The following ATF6 variants were observed in gnomAD, a reference collection of about 807,000 sequenced individuals.
ATF6 encodes activating transcription factor 6, also known as cyclic AMP-dependent transcription factor ATF-6 alpha.
ATF6 carries 53 observed loss-of-function variants against 83.6 expected under a neutral mutation model. The observed-to-expected ratio is 0.63, with a 90% CI of 0.51 to 0.80. The LOEUF is 0.80. Ranked by LOEUF, ATF6 falls within the 30% of genes least tolerant of loss-of-function variation. The pLI is 0.00. For missense variants in ATF6, 744 were observed against 797.9 expected (o/e 0.93, Z 0.81); for synonymous variants, 288 against 285.8 (o/e 1.01, Z -0.08).
chr1:161,956,999 T>C (rs1213058087), intron 15 of ATF6, among the ~76,000 whole-genome samples: 1 of 152,130 alleles, frequency 6.6e-6, no homozygotes, highest in African/African-American at 2.4e-5. Flanking sequence ...AAATTAGACC[T>C]GAATTTAGGA....
intron 13 of ATF6, among the ~76,000 whole-genome samples, chr1:161,861,466 A>C (rs1306766339): frequency 2.0e-5 from 3 of 152,198 alleles, no homozygotes; most frequent in African/African-American, 7.2e-5. Flanking sequence ...AATATGTTTA[A>C]ATAATAACTA....
intron 1 of ATF6, among the ~76,000 whole-genome samples, chr1:161,777,808 A>G (rs937190759): frequency 1.3e-5 from 2 of 152,214 alleles, no homozygotes; most frequent in Non-Finnish European, 2.9e-5. Context: ...AACTTAAGGC[A>G]TGGATAACAA....
At chr1:161,916,212 T>C (rs1055079521) in intron 15 of ATF6, among the ~76,000 whole-genome samples, 3 of 152,230 alleles carry the variant, frequency 2.0e-5, no homozygotes, top group African/African-American at 7.2e-5. Context: ...TTACTTGACC[T>C]CTCAACAGTA....
intron 12 of ATF6, among the ~76,000 whole-genome samples, chr1:161,856,437 G>A (rs960675410): frequency 1.3e-5 from 2 of 152,146 alleles, no homozygotes; most frequent in Admixed American, 1.3e-4. Flanking sequence ...ATTCATGTCT[G>A]CCAAAGCCTA....
Position 161,860,184 on chromosome 1 carries a change from T to C in ATF6, c.1534-23T>C, listed in dbSNP as rs770807952. The C allele has an allele frequency of 1.4e-5, 5 of 363,780 alleles. No individual in the cohort carries two copies. The South Asian group carries it at 2.6e-4, about 19-fold the overall frequency. The allele number at this position is 363,780 out of a possible 1,614,324, so 22.5% of individuals were successfully genotyped here. On this transcript the variant is annotated intron_variant, in intron 12 of 15. Transcript: ENST00000367942. ...ATAATTTTGTGATACAGTATTAAACTTTTTTTTTTTTTAATATTCCAGGGT... is the reference window on the plus strand; with the variant it reads ...ATAATTTTGTGATACAGTATTAAACCTTTTTTTTTTTTAATATTCCAGGGT...
intron 14 of ATF6, among the ~76,000 whole-genome samples, chr1:161,864,191 A>C (rs866745654): frequency 6.6e-6 from 1 of 151,520 alleles, no homozygotes; most frequent in Non-Finnish European, 1.5e-5. Flanking sequence ...TTAAGAATAC[A>C]CTGGGTATGG....
At chr1:161,930,567 A>G (rs573693921) in intron 15 of ATF6, among the ~76,000 whole-genome samples, 5 of 152,354 alleles carry the variant, frequency 3.3e-5, no homozygotes, top group South Asian at 4.1e-4. Context: ...GAGACATTCT[A>G]TATCCACTGG....
At position 161,901,440 on chromosome 1, in the gene ATF6, A is replaced by C. The variant is rs912950753; in HGVS notation, c.1720-10856A>C. On this transcript the variant is annotated intron_variant, in intron 14 of 15. Coordinates refer to ENST00000367942, the MANE Select transcript of ATF6 (RefSeq NM_007348.4). ...TTTAATGTTTTATTTGAAAAAAAAA[A>C]CAATTAAAATTTTAAATAACATTTT... is the stretch of plus-strand genomic sequence containing the variant. 3.6e-4 allele frequency among the ~76,000 whole-genome samples: 54 copies of C among 151,832 alleles called. 1 individual carries two copies. The highest frequency in any genetic ancestry group is 1.2e-3 in the African/African-American group (51 of 41,408).
chr1:161,909,510 T>C (rs1371719149), intron 14 of ATF6, among the ~76,000 whole-genome samples: 4 of 151,772 alleles, frequency 2.6e-5, no homozygotes, highest in African/African-American at 4.8e-5. Flanking sequence ...GGAGAGCATA[T>C]ATTGGGTAAG....
chr1:161,830,402 C>G (rs1454883496), intron 9 of ATF6, among the ~76,000 whole-genome samples: 1 of 152,192 alleles, frequency 6.6e-6, no homozygotes, highest in African/African-American at 2.4e-5. Context: ...AATGCCATCT[C>G]CATCAAGCTA....
intron 7 of ATF6, among the ~76,000 whole-genome samples, chr1:161,811,016 G>A (rs966843466): frequency 6.6e-6 from 1 of 152,116 alleles, no homozygotes; most frequent in African/African-American, 2.4e-5. Context: ...TCAGTTGGTA[G>A]ACATTTGGCT....
chr1:161,926,377 C>G (rs1047026338), intron 15 of ATF6, among the ~76,000 whole-genome samples: 3 of 152,130 alleles, frequency 2.0e-5, no homozygotes, highest in Non-Finnish European at 2.9e-5. Flanking sequence ...CCGGATCTCT[C>G]TTGAGATTGA....
chr1:161,896,098 G>A (rs112184925), intron 14 of ATF6, among the ~76,000 whole-genome samples: 1,553 of 152,202 alleles, frequency 0.01, 9 homozygotes, highest in South Asian at 0.018. Context: ...AAATACATCC[G>A]TCTATCTATC....
chr1:161,808,267 T>G (rs1401411847), intron 7 of ATF6, among the ~76,000 whole-genome samples: 1 of 152,182 alleles, frequency 6.6e-6, no homozygotes, highest in Non-Finnish European at 1.5e-5. Context: ...TCTCTCTCCT[T>G]TCTCTAATTT....
intron 10 of ATF6, among the ~76,000 whole-genome samples, chr1:161,847,638 C>T (rs138625778): frequency 8.6e-4 from 131 of 152,018 alleles, no homozygotes; most frequent in African/African-American, 3.0e-3. Context: ...TTAACGGTGC[C>T]CCTGAATATT....
At chr1:161,933,154 TGA>T (rs1456536345) in intron 15 of ATF6, among the ~76,000 whole-genome samples, 2 of 152,216 alleles carry the variant, frequency 1.3e-5, no homozygotes, top group African/African-American at 2.4e-5. Context: ...TGGAGCTTAC[TGA>T]GGGCCATCTT....
chr1:161,792,095 G>A, intron 5 of ATF6, 29 bp from the exon 6 acceptor site: 1 of 1,602,686 alleles, frequency 6.2e-7, no homozygotes, highest in Non-Finnish European at 8.5e-7. Context: ...CTTTCACATT[G>A]ACTTGTGGTT....
intron 7 of ATF6, among the ~76,000 whole-genome samples, chr1:161,815,246 C>G (rs984088353): frequency 7.8e-6 from 1 of 128,084 alleles, no homozygotes; most frequent in African/African-American, 3.0e-5. Flanking sequence ...GGCTGGAGAA[C>G]AGTGATGCGA....
At chr1:161,774,333 G>C (rs1238296988) in intron 1 of ATF6, among the ~76,000 whole-genome samples, 1 of 151,934 alleles carries the variant, frequency 6.6e-6, no homozygotes, top group East Asian at 1.9e-4. Flanking sequence ...ACGTTTTGGA[G>C]GCTGTTATAG....
Sources: gnomAD v4.1 joint callset for allele counts (sites outside exome capture counted in the v4.1 genomes callset) on GRCh38, gnomAD v4.1.1 for gene constraint, MANE v1.5 for transcripts, NCBI Gene and HGNC (gene_info 2026-07-23, HGNC 2026-07-21) for gene names.